The following RGS7 variants were observed in gnomAD, a reference collection of about 807,000 sequenced individuals.
The protein encoded by RGS7 is regulator of G protein signaling 7, also known as regulator of G-protein signaling 7.
Under a neutral mutation model 81.1 loss-of-function variants are expected in RGS7, and 27 were observed. That is an observed-to-expected ratio of 0.33 (90% CI 0.25 to 0.46). The LOEUF (loss-of-function observed/expected upper bound fraction) is 0.46, where lower values mean the gene tolerates loss of function less well. Ranked by LOEUF, RGS7 falls within the 20% of genes least tolerant of loss-of-function variation. RGS7 has a pLI of 1.00. For missense variants in RGS7, 396 were observed against 607.4 expected (o/e 0.65, Z 3.66); for synonymous variants, 208 against 207.7 (o/e 1.00, Z -0.01).
chr1:241,041,585 C>T (rs1230106562), intron 3 of RGS7, among the ~76,000 whole-genome samples: 1 of 152,054 alleles, frequency 6.6e-6, no homozygotes, highest in African/African-American at 2.4e-5. Context: ...GCAAAGGTGC[C>T]CCCATTCCTT....
intron 4 of RGS7, among the ~76,000 whole-genome samples, chr1:240,968,643 T>C (rs900892536): frequency 3.3e-5 from 5 of 152,188 alleles, no homozygotes; most frequent in African/African-American, 9.6e-5. Flanking sequence ...GATGTTACAA[T>C]TGAGGTTTTT....
In RGS7 at chr1:240,993,193, G is replaced by A. The variant is rs532614657; in HGVS notation, c.176-10064C>T. The stretch of plus-strand genomic sequence containing the variant: ...GGAAAGAAAGAAGGAAAGAAAGAAA[G>A]AGGAAAGAAGGAGAGAAAAGAAAGG... On this transcript the variant is annotated intron_variant, in intron 3 of 18. Transcript: ENST00000440928. Among the ~76,000 whole-genome samples the A allele has an allele frequency of 5.4e-5, 8 of 148,346 alleles. No homozygotes were observed. In the South Asian group the frequency reaches 1.1e-3, roughly 20 times the overall value.
intron 2 of RGS7, among the ~76,000 whole-genome samples, chr1:241,109,679 C>T (rs534563925): frequency 1.3e-5 from 2 of 151,950 alleles, no homozygotes; most frequent in Admixed American, 6.6e-5. Context: ...GAATTCTGGC[C>T]GGGCGCAGTG....
chr1:241,341,401 T>C (rs556652698), intron 2 of RGS7, among the ~76,000 whole-genome samples: 1 of 152,324 alleles, frequency 6.6e-6, no homozygotes, highest in East Asian at 1.9e-4. Context: ...GGAATATATA[T>C]ACGTACATGT....
intron 3 of RGS7, among the ~76,000 whole-genome samples, chr1:241,005,546 TA>T (rs1385492044): frequency 2.0e-5 from 3 of 152,296 alleles, no homozygotes; most frequent in Admixed American, 1.3e-4. Context: ...ATTTACTTTT[TA>T]TTTTTTGAAA....
chr1:241,334,861 A>C (rs1337324559), intron 2 of RGS7, among the ~76,000 whole-genome samples: 1 of 134,388 alleles, frequency 7.4e-6, no homozygotes, highest in Non-Finnish European at 1.5e-5. Context: ...TACACTACAG[A>C]ATAAACCAAA....
chr1:240,854,686 C>T (rs957798340), intron 9 of RGS7, among the ~76,000 whole-genome samples: 4 of 152,216 alleles, frequency 2.6e-5, no homozygotes, highest in Non-Finnish European at 5.9e-5. Flanking sequence ...GCAGGCTAAT[C>T]TTACTCCTTT....
intron 3 of RGS7, among the ~76,000 whole-genome samples, chr1:241,056,193 A>G (rs1258331892): frequency 6.6e-6 from 1 of 152,140 alleles, no homozygotes; most frequent in African/African-American, 2.4e-5. Flanking sequence ...ACCTTTGCAT[A>G]CATTATTCTC....
At chr1:241,255,946 T>G (rs543649810) in intron 2 of RGS7, among the ~76,000 whole-genome samples, 7 of 152,278 alleles carry the variant, frequency 4.6e-5, no homozygotes, top group South Asian at 4.1e-4. Flanking sequence ...CCGGAAATTT[T>G]GGGACACCAG....
At chr1:240,798,454 C>G (rs1304175349) in intron 18 of RGS7, among the ~76,000 whole-genome samples, 1 of 152,124 alleles carries the variant, frequency 6.6e-6, no homozygotes, top group Non-Finnish European at 1.5e-5. Flanking sequence ...GAAATGGACT[C>G]AGACTGGGGA....
intron 6 of RGS7, among the ~76,000 whole-genome samples, chr1:240,878,489 C>CTTTTTTTTTTTTTTTTTTTT (rs57896753): frequency 1.2e-4 from 14 of 117,566 alleles, no homozygotes; most frequent in South Asian, 2.7e-4. Context: ...TTTTTTCTTT[C>CTTTTTTTTTTTTTTTTTTTT]TTTTTTTTTT....
intron 6 of RGS7, among the ~76,000 whole-genome samples, chr1:240,888,039 T>C (rs1667673866): frequency 6.6e-6 from 1 of 152,178 alleles, no homozygotes; most frequent in South Asian, 2.1e-4. Context: ...ATATTGGTGA[T>C]GGGATTGGGA....
chr1:241,226,218 C>G (rs528855065), intron 2 of RGS7, among the ~76,000 whole-genome samples: 1 of 152,192 alleles, frequency 6.6e-6, no homozygotes, highest in Non-Finnish European at 1.5e-5. Context: ...CCATCTTACC[C>G]TCTAGGTGAA....
At chr1:240,905,136 C>G (rs1301411396) in intron 6 of RGS7, among the ~76,000 whole-genome samples, 1 of 152,054 alleles carries the variant, frequency 6.6e-6, no homozygotes, top group Non-Finnish European at 1.5e-5. Flanking sequence ...ATTTGCAAAT[C>G]AAAATCCATT....
At chr1:241,016,293 T>G (rs1013373002) in intron 3 of RGS7, among the ~76,000 whole-genome samples, 32 of 151,916 alleles carry the variant, frequency 2.1e-4, no homozygotes, top group Admixed American at 1.8e-3. Context: ...GCCAAGGTGG[T>G]CTGATTATGA....
At chr1:240,926,189 T>C (rs1398574037) in intron 6 of RGS7, among the ~76,000 whole-genome samples, 2 of 152,210 alleles carry the variant, frequency 1.3e-5, no homozygotes, top group African/African-American at 4.8e-5. Flanking sequence ...GCAATTGCTT[T>C]TGAGGACTTA....
At chr1:241,239,215 C>A (rs1169806531) in intron 2 of RGS7, among the ~76,000 whole-genome samples, 1 of 152,022 alleles carries the variant, frequency 6.6e-6, no homozygotes, top group African/African-American at 2.4e-5. Flanking sequence ...GACCTGCCTC[C>A]CACGGCCTCA....
At chr1:241,053,537 C>A (rs1445760479) in intron 3 of RGS7, among the ~76,000 whole-genome samples, 1 of 152,180 alleles carries the variant, frequency 6.6e-6, no homozygotes, top group African/African-American at 2.4e-5. Flanking sequence ...CATTTGACCA[C>A]CTGTTAACTC....
chr1:241,284,369 A>C (rs1558272489), intron 2 of RGS7, among the ~76,000 whole-genome samples: 1 of 151,070 alleles, frequency 6.6e-6, no homozygotes, highest in Admixed American at 6.6e-5. Flanking sequence ...ATGGCCTCCA[A>C]TGCCACCTAG....
Sources: gnomAD v4.1 joint callset for allele counts (sites outside exome capture counted in the v4.1 genomes callset) on GRCh38, gnomAD v4.1.1 for gene constraint, MANE v1.5 for transcripts, NCBI Gene and HGNC (gene_info 2026-07-23, HGNC 2026-07-21) for gene names.